AKAP13: variants seen among roughly 807,000 people sequenced by gnomAD.
AKAP13 encodes A-kinase anchor protein 13.
In AKAP13, 80 loss-of-function variants were observed where a neutral mutation model predicts 264.5. The ratio of observed to expected loss-of-function variants is 0.30; its 90% confidence interval spans 0.25 to 0.36. The LOEUF is 0.36. AKAP13 is among the 10% of genes least tolerant of loss of function. AKAP13 has a pLI of 1.00. For synonymous variants in AKAP13, 1,380 were observed against 1,250.2 expected, an observed-to-expected ratio of 1.10 and a Z score of -2.19; for missense variants, 3,712 against 3,435.2, an observed-to-expected ratio of 1.08 and a Z score of -2.01.
rs1394883856 is a variant in AKAP13, at chr15:85,715,790, T to A, written c.5602T>A (p.Ser1868Thr). 1.2e-5 allele frequency: 20 copies of A among 1,608,824 alleles called. No individual in the cohort carries two copies. Among genetic ancestry groups the A allele is most frequent in the Non-Finnish European group, 1.7e-5 (20 of 1,178,824 alleles). Reference sequence around the variant, plus strand: ...CAGTTAGTGTCCTCCTTTTGCAGCCTCACAGCCCAAGGAGCGTCCTCGGTC... The same window carrying A: ...CAGTTAGTGTCCTCCTTTTGCAGCCACACAGCCCAAGGAGCGTCCTCGGTC... ...LPTVIMRNKP[S>T]QPKERPRSAV... is the part of the protein sequence containing the mutation. The change falls in exon 20 of 37, where the codon TCA becomes ACA. Residue 1868 changes from serine (S) to threonine (T), a missense_variant and splice_region_variant. Ser to Thr is a moderately conservative substitution (Grantham distance 58, BLOSUM62 1). This residue lies in a region of AKAP13 where 2,759 missense variants were observed against 2,411.7 expected (regional missense o/e 1.14). Transcript: ENST00000394518.
intron 17 of AKAP13, among the ~76,000 whole-genome samples, chr15:85,704,233 G>A (rs2086101032): frequency 1.3e-5 from 2 of 152,164 alleles, no homozygotes; most frequent in Non-Finnish European, 2.9e-5. Context: ...CAGAGCCTTG[G>A]CTGCATATGA....
At chr15:85,452,346 A>G (rs2074122890) in intron 1 of AKAP13, among the ~76,000 whole-genome samples, 1 of 151,604 alleles carries the variant, frequency 6.6e-6, no homozygotes, top group Non-Finnish European at 1.5e-5. Flanking sequence ...GTTCCTATCC[A>G]TATTCAGAAT....
In AKAP13 at chr15:85,580,616, T is replaced by A; in HGVS notation, c.2548T>A (p.Ser850Thr). ...LEDRAVGLSTSSTAAELQHGM... is the reference protein window; with the variant it reads ...LEDRAVGLSTTSTAAELQHGM... Reference sequence around the variant, plus strand: ...AGACAGGGCAGTAGGCCTGTCCACATCCTCCACTGCTGCAGAGCTTCAGCA... The same window carrying A: ...AGACAGGGCAGTAGGCCTGTCCACAACCTCCACTGCTGCAGAGCTTCAGCA... The change falls in exon 7 of 37, where the codon TCC becomes ACC. Residue 850 changes from serine (S) to threonine (T), a missense_variant. Physicochemically the swap from Ser to Thr is moderately conservative, Grantham distance 58. Coordinates refer to ENST00000394518, the MANE Select transcript of AKAP13 (RefSeq NM_007200.5). The A allele has an allele frequency of 1.2e-6, 2 of 1,614,158 alleles. No individual in the cohort carries two copies. The highest frequency in any genetic ancestry group is 1.7e-6 in the Non-Finnish European group (2 of 1,180,022).
intron 12 of AKAP13, among the ~76,000 whole-genome samples, chr15:85,663,113 C>T (rs1045123029): frequency 6.6e-6 from 1 of 152,010 alleles, no homozygotes; most frequent in African/African-American, 2.4e-5. Context: ...CATTGGAGAC[C>T]AGCCTGAAAA....
intron 1 of AKAP13, among the ~76,000 whole-genome samples, chr15:85,402,462 A>G (rs1404512053): frequency 1.3e-5 from 2 of 152,360 alleles, no homozygotes; most frequent in South Asian, 2.1e-4. Context: ...TGGCTGAATC[A>G]TGAAGGAACT....
intron 5 of AKAP13, among the ~76,000 whole-genome samples, chr15:85,561,301 A>G (rs866707788): frequency 1.3e-5 from 2 of 151,956 alleles, no homozygotes; most frequent in African/African-American, 2.4e-5. Context: ...CAGGTGATCC[A>G]CCTGCCTTGG....
intron 1 of AKAP13, among the ~76,000 whole-genome samples, chr15:85,383,438 A>G (rs1287192782): frequency 1.3e-5 from 2 of 152,208 alleles, no homozygotes; most frequent in African/African-American, 4.8e-5. Context: ...AGTATCTAAC[A>G]TGGAGTAGGC....
At position 85,682,206 on chromosome 15, in the gene AKAP13, C is replaced by T; in HGVS notation, c.5150C>T (p.Thr1717Ile). The T allele has an allele frequency of 6.2e-7, 1 of 1,613,068 alleles. No individual in the cohort carries two copies. Among genetic ancestry groups the T allele is most frequent in the South Asian group, 1.1e-5 (1 of 91,036 alleles). ...TTCCACAATACCAGTGCTAATCTGA[C>T]TGAGAGGTACTATAAATTTGTTACT... ...STFHNTSANL[T>I]ESITEENYNF... is the part of the protein sequence containing the mutation. Residue 1717 changes from threonine (T) to isoleucine (I), a missense_variant, in exon 15 of 37, where the codon ACT (threonine) becomes ATT (isoleucine). This residue lies in a region of AKAP13 where 2,759 missense variants were observed against 2,411.7 expected (regional missense o/e 1.14). Transcript: ENST00000394518.
At chr15:85,384,688 G>T (rs1358849643) in intron 1 of AKAP13, among the ~76,000 whole-genome samples, 1 of 148,782 alleles carries the variant, frequency 6.7e-6, no homozygotes, top group Non-Finnish European at 1.5e-5. Context: ...CTGTGCTCCA[G>T]TCTGGGCGAC....
At chr15:85,592,920 C>T (rs929408596) in intron 8 of AKAP13, among the ~76,000 whole-genome samples, 2 of 152,054 alleles carry the variant, frequency 1.3e-5, no homozygotes, top group African/African-American at 2.4e-5. Flanking sequence ...TTTAAGTGAC[C>T]TTAAGCAAGT....
intron 2 of AKAP13, among the ~76,000 whole-genome samples, chr15:85,486,637 G>C (rs772812049): frequency 1.3e-5 from 2 of 151,742 alleles, no homozygotes; most frequent in South Asian, 2.1e-4. Context: ...ACAGTGTTTG[G>C]TAGTTTTCAC....
intron 8 of AKAP13, among the ~76,000 whole-genome samples, chr15:85,610,417 T>G (rs2080553271): frequency 6.6e-6 from 1 of 152,214 alleles, no homozygotes; most frequent in Non-Finnish European, 1.5e-5. Flanking sequence ...TATTCAAGTG[T>G]TCTATTTTGG....
rs1433752156 is a variant in AKAP13, at chr15:85,579,247, T to G, written c.1179T>G (p.Thr393=). The change falls in exon 7 of 37, where the codon ACT becomes ACG. Residue 393 remains threonine, a synonymous_variant. Transcript: ENST00000394518. ...VEPAPIVDSG[T]VSDQDSCLQS... ...CAGCACCTATTGTGGACTCTGGAAC[T>G]GTATCTGATCAAGACAGCTGCCTTC... 2.5e-6 allele frequency: 4 copies of G among 1,614,230 alleles called. No individual in the cohort carries two copies. The Admixed American group carries it at 5.0e-5, about 20-fold the overall frequency.
chr15:85,383,921 A>C (rs1317291747), intron 1 of AKAP13, among the ~76,000 whole-genome samples: 2 of 152,232 alleles, frequency 1.3e-5, no homozygotes, highest in Non-Finnish European at 2.9e-5. Context: ...GACATGAGCA[A>C]ATCACTCACT....
At chr15:85,609,105 T>A (rs2080481988) in intron 8 of AKAP13, among the ~76,000 whole-genome samples, 1 of 152,222 alleles carries the variant, frequency 6.6e-6, no homozygotes, top group South Asian at 2.1e-4. Flanking sequence ...CCTCAAACGT[T>A]AATTATTTCT....
At chr15:85,541,278 T>C (rs1010533107) in intron 4 of AKAP13, among the ~76,000 whole-genome samples, 3 of 152,238 alleles carry the variant, frequency 2.0e-5, no homozygotes, top group Non-Finnish European at 2.9e-5. Context: ...TTCAAGTTAT[T>C]TTGAAATGCA....
chr15:85,392,251 A>ATTTTTTTTT (rs57208601), intron 1 of AKAP13, among the ~76,000 whole-genome samples: 6 of 106,348 alleles, frequency 5.6e-5, no homozygotes, highest in Admixed American at 9.7e-5. Context: ...GCCCTTAATA[A>ATTTTTTTTT]TTTTTTTTTT....
At chr15:85,403,444 TTGCATGTGGAA>T (rs1324897070) in intron 1 of AKAP13, among the ~76,000 whole-genome samples, 9 of 152,328 alleles carry the variant, frequency 5.9e-5, no homozygotes, top group African/African-American at 2.2e-4. Flanking sequence ...GTTCTCCTTT[TTGCATGTGGAA>T]TATCACATTT....
At chr15:85,485,682 A>G in intron 1 of AKAP13, 28 bp from the exon 2 acceptor site, 18 of 1,607,320 alleles carry the variant, frequency 1.1e-5, no homozygotes, top group Non-Finnish European at 1.5e-5. Context: ...TTTTAATTTT[A>G]TTCTCATTTA....
Sources: allele counts gnomAD v4.1 joint callset (sites outside exome capture counted in the v4.1 genomes callset), GRCh38; gene constraint gnomAD v4.1.1; regional missense constraint gnomAD v4.1.1; transcripts MANE v1.5; gene names NCBI Gene and HGNC (gene_info 2026-07-23, HGNC 2026-07-21).